NUDT5: variants seen among roughly 807,000 people sequenced by gnomAD.
The protein encoded by NUDT5 is nudix hydrolase 5, also known as ADP-sugar pyrophosphatase.
Under a neutral mutation model 34.1 loss-of-function variants are expected in NUDT5, and 21 were observed. The ratio of observed to expected loss-of-function variants is 0.62; its 90% confidence interval spans 0.44 to 0.89. The LOEUF (loss-of-function observed/expected upper bound fraction) is 0.89. Among genes scored for constraint, NUDT5 ranks in the 40% least tolerant of loss-of-function variants. The pLI is 0.00. For synonymous variants in NUDT5, 85 were observed against 97.6 expected (o/e 0.87, Z 0.76); for missense variants, 249 against 274.8 (o/e 0.91, Z 0.66).
At chr10:12,184,810 C>CA in intron 3 of NUDT5, 79 bp downstream of exon 3, 2 of 828,820 alleles carry the variant, frequency 2.4e-6, no homozygotes, top group Non-Finnish European at 3.9e-6. Context: ...AAGAAAACAT[C>CA]AAAGTTTATG....
intron 3 of NUDT5, 116 bp downstream of exon 3, chr10:12,184,773 A>C: frequency 1.4e-6 from 1 of 697,662 alleles, no homozygotes. Context: ...CAGCTAAATC[A>C]GATTATTTAA....
chr10:12,170,240 A>G lies in NUDT5; in HGVS notation c.550+477T>C. The stretch of plus-strand genomic sequence containing the variant: ...GGCCACACAGCTGGTTTGGTTTATT[A>G]TGTGAAAAGCATATCACACGGAGTA... On this transcript the variant is annotated intron_variant, in intron 9 of 9. Transcript: ENST00000491614. This position sits in a 1 kb window ranked among gnomAD's most constrained non-coding sequence, Gnocchi z 4.9. 1 of 1,569,924 alleles carries G rather than the reference A, an allele frequency of 6.4e-7. No individual in the cohort carries two copies. The highest frequency in any genetic ancestry group is 8.8e-7 in the Non-Finnish European group (1 of 1,141,372).
chr10:12,174,998 G>A (rs897093188), intron 5 of NUDT5, among the ~76,000 whole-genome samples: 2 of 152,118 alleles, frequency 1.3e-5, no homozygotes, highest in South Asian at 2.1e-4. Flanking sequence ...GAGCAGCAAC[G>A]CAGACTCTTT....
Position 12,169,936 on chromosome 10 carries a change from C to A in NUDT5, c.550+781G>T, listed in dbSNP as rs956737401. On this transcript the variant is annotated intron_variant, in intron 9 of 9. Coordinates refer to ENST00000491614, the MANE Select transcript of NUDT5 (RefSeq NM_014142.4). This position sits in a 1 kb window ranked among gnomAD's most constrained non-coding sequence, Gnocchi z 4.8. The stretch of plus-strand genomic sequence containing the variant: ...TATCAATTACCTAAAACACTTATAC[C>A]CAATAAAATATTCCCATGATGACAA... 10 of 569,792 alleles carry A rather than the reference C, an allele frequency of 1.8e-5. No homozygotes were observed. In the Admixed American group the frequency reaches 3.2e-4, roughly 18 times the overall value. 35.3% of individuals were successfully genotyped at this position (569,792 alleles called of 1,614,324 possible). A position where few individuals can be genotyped will look rare whatever the true frequency, so the allele number is the denominator to read the frequency against.
rs148543180 is a variant in NUDT5, at chr10:12,181,876, C to T, written c.132-2744G>A. 1.8e-4 allele frequency among the ~76,000 whole-genome samples: 28 copies of T among 152,130 alleles called. No individual in the cohort carries two copies. Among genetic ancestry groups the T allele is most frequent in the Middle Eastern group, 3.4e-3 (1 of 294 alleles). On this transcript the variant is annotated intron_variant, in intron 3 of 9. Coordinates refer to ENST00000491614, the MANE Select transcript of NUDT5 (RefSeq NM_014142.4). This position sits in a 1 kb window ranked among gnomAD's most constrained non-coding sequence, Gnocchi z 5.0. ...GGATATGGCCGGATGCGGTGGCTCA[C>T]GACTGTAGTCCTAGCACTTTGGGAG... is the stretch of plus-strand genomic sequence containing the variant.
chr10:12,173,772 G>A lies in NUDT5; in HGVS notation c.331C>T (p.Arg111Trp), dbSNP rs1294173842. The A allele has an allele frequency of 4.3e-6, 7 of 1,613,848 alleles. No individual in the cohort carries two copies. Among genetic ancestry groups the A allele is most frequent in the East Asian group, 2.2e-5 (1 of 44,892 alleles). The change falls in exon 6 of 10, where the codon CGG becomes TGG. Residue 111 changes from arginine to tryptophan, a missense_variant. Physicochemically the swap from Arg to Trp is moderately radical, Grantham distance 101. Coordinates refer to ENST00000491614, the MANE Select transcript of NUDT5 (RefSeq NM_014142.4). This position sits in a 1 kb window ranked among gnomAD's most constrained non-coding sequence, Gnocchi z 4.7. Reference sequence around the variant, plus strand: ...TAGCCAGTTTCTTCTTCAAGCTCCCGGAGAGCAGCTGCTTCTGGGGTTTCA... The same window carrying A: ...TAGCCAGTTTCTTCTTCAAGCTCCCAGAGAGCAGCTGCTTCTGGGGTTTCA... ...DGETPEAAAL[R>W]ELEEETGYKG...
intron 3 of NUDT5, among the ~76,000 whole-genome samples, chr10:12,180,741 C>T (rs1396991142): frequency 2.6e-5 from 4 of 152,180 alleles, no homozygotes; most frequent in Non-Finnish European, 5.9e-5. Context: ...GAGGCTCTTC[C>T]CTCCTTTGTA....
chr10:12,190,115 T>A (rs1011795710), intron 1 of NUDT5, among the ~76,000 whole-genome samples: 5 of 152,180 alleles, frequency 3.3e-5, no homozygotes, highest in Admixed American at 6.5e-5. Flanking sequence ...GGTCTCGATC[T>A]CCTGACCTCG....
intron 3 of NUDT5, among the ~76,000 whole-genome samples, chr10:12,179,646 T>C (rs1335307063): frequency 1.4e-5 from 1 of 70,354 alleles, no homozygotes. Context: ...AATGGAAGAA[T>C]TATTAAATGT....
At position 12,165,643 on chromosome 10, in the gene NUDT5, T is replaced by C. The variant is rs1416590355; in HGVS notation, c.*2059A>G. ...TCTCCATTTGAAAGAGCATAGATCT[T>C]GGTAAATCATTTTGAAAACTATGTG... On this transcript the variant is annotated 3_prime_UTR_variant, in exon 10 of 10. Coordinates refer to ENST00000491614, the MANE Select transcript of NUDT5 (RefSeq NM_014142.4). The C allele has an allele frequency of 6.6e-6, 1 of 152,462 alleles. No homozygotes were observed. Among genetic ancestry groups the C allele is most frequent in the East Asian group, 1.9e-4 (1 of 5,188 alleles). 9.4% of individuals were successfully genotyped at this position (152,462 alleles called of 1,614,324 possible). A position where few individuals can be genotyped will look rare whatever the true frequency, so the allele number is the denominator to read the frequency against.
chr10:12,187,134 G>A lies in NUDT5; in HGVS notation c.-41-802C>T, dbSNP rs543665069. 6.6e-6 allele frequency among the ~76,000 whole-genome samples: 1 copy of A among 152,274 alleles called. No individual in the cohort carries two copies. Among genetic ancestry groups the A allele is most frequent in the South Asian group, 2.1e-4 (1 of 4,818 alleles). ...TGTAGCCTCTACCTCCCAAGCTCACGTGCTCCTCGCATCTCAGCCTCCTGA... is the reference window on the plus strand; with the variant it reads ...TGTAGCCTCTACCTCCCAAGCTCACATGCTCCTCGCATCTCAGCCTCCTGA... On this transcript the variant is annotated intron_variant, in intron 1 of 9. Transcript: ENST00000491614. The surrounding 1 kb of genome is among the most constrained non-coding windows in gnomAD (Gnocchi z 5.4).
At chr10:12,186,357 G>T in intron 1 of NUDT5, 25 bp from the exon 2 acceptor site, 1 of 1,221,588 alleles carries the variant, frequency 8.2e-7, no homozygotes, top group South Asian at 1.2e-5. Flanking sequence ...GATTTGTTCA[G>T]GCTAAAATTA....
chr10:12,184,244 G>A (rs772741408), intron 3 of NUDT5, among the ~76,000 whole-genome samples: 11 of 151,970 alleles, frequency 7.2e-5, no homozygotes, highest in Non-Finnish European at 1.3e-4. Flanking sequence ...ATGGGGTTTC[G>A]CCATGTTGCC....
At chr10:12,183,566 AT>A (rs1315423086) in intron 3 of NUDT5, among the ~76,000 whole-genome samples, 1 of 152,186 alleles carries the variant, frequency 6.6e-6, no homozygotes, top group Non-Finnish European at 1.5e-5. Flanking sequence ...ATACTGATGA[AT>A]TTTTATCACG....
chr10:12,186,249 G>A lies in NUDT5; in HGVS notation c.43C>T (p.Gln15Ter). The part of the protein sequence containing the change: ...EPTESSQNGK[Q>*]YIISEELISE... The stretch of plus-strand genomic sequence containing the variant: ...TATACCTCCTCTGAAATGATATACT[G>A]TTTGCCATTCTGAGAAGATTCCGTT... The change falls in exon 2 of 10, where the codon CAG becomes TAG. Residue 15 changes from glutamine (Q) to a stop codon, truncating the protein, a stop_gained. Coordinates refer to ENST00000491614, the MANE Select transcript of NUDT5 (RefSeq NM_014142.4). LOFTEE classifies it high-confidence loss of function. 1 of 1,613,608 alleles carries A rather than the reference G, an allele frequency of 6.2e-7. No individual in the cohort carries two copies. Among genetic ancestry groups the A allele is most frequent in the East Asian group, 2.2e-5 (1 of 44,890 alleles).
Position 12,167,412 on chromosome 10 carries a change from A to G in NUDT5, c.*290T>C, listed in dbSNP as rs1366333554. 4.0e-5 allele frequency: 13 copies of G among 321,978 alleles called. No homozygotes were observed. The Admixed American group carries it at 5.7e-4, about 14-fold the overall frequency. The allele number at this position is 321,978 out of a possible 1,614,324, so 19.9% of individuals were successfully genotyped here. The stretch of plus-strand genomic sequence containing the variant: ...CAAATACCCCTGTCTACCAGACTGG[A>G]CTAGAAAAGTAACTGAGCTGTAGTT... On this transcript the variant is annotated 3_prime_UTR_variant, in exon 10 of 10. Transcript: ENST00000491614.
chr10:12,170,493 CA>C lies in NUDT5; in HGVS notation c.550+223del. ...ATTCTGTAGGAGAAAAAGCCTCTAC[CA>C]AAAGTTTGCACTTGACCCAGAATGC... is the stretch of plus-strand genomic sequence containing the variant. On this transcript the variant is annotated intron_variant, in intron 9 of 9. Coordinates refer to ENST00000491614, the MANE Select transcript of NUDT5 (RefSeq NM_014142.4). The surrounding 1 kb of genome is among the most constrained non-coding windows in gnomAD (Gnocchi z 4.9). The C allele has an allele frequency of 1.6e-6, 1 of 629,524 alleles. No individual in the cohort carries two copies. The highest frequency in any genetic ancestry group is 4.3e-4 in the Middle Eastern group (1 of 2,312). The allele number at this position is 629,524 out of a possible 1,614,324, so 39.0% of individuals were successfully genotyped here. A position where few individuals can be genotyped will look rare whatever the true frequency, so the allele number is the denominator to read the frequency against.
In NUDT5 at chr10:12,170,715, A is replaced by T. The variant is rs747294634; in HGVS notation, c.550+2T>A. On this transcript the variant is annotated splice_donor_variant, in intron 9 of 9. Coordinates refer to ENST00000491614, the MANE Select transcript of NUDT5 (RefSeq NM_014142.4). LOFTEE classifies it high-confidence loss of function. The surrounding 1 kb of genome is among the most constrained non-coding windows in gnomAD (Gnocchi z 4.9). ...CTGGGTGGCGGTCTGGAGAATGCTT[A>T]CCATCAAGTCTCTGCAGCAGGTCAT... 5.6e-6 allele frequency: 9 copies of T among 1,613,536 alleles called. No homozygotes were observed. The highest frequency in any genetic ancestry group is 7.6e-6 in the Non-Finnish European group (9 of 1,179,972).
At position 12,169,317 on chromosome 10, in the gene NUDT5, T is replaced by G; in HGVS notation, c.550+1400A>C. 5 of 1,554,360 alleles carry G rather than the reference T, an allele frequency of 3.2e-6. No homozygotes were observed. Among genetic ancestry groups the G allele is most frequent in the Non-Finnish European group, 4.4e-6 (5 of 1,147,276 alleles). On this transcript the variant is annotated intron_variant, in intron 9 of 9. Transcript: ENST00000491614. The surrounding 1 kb of genome is among the most constrained non-coding windows in gnomAD (Gnocchi z 4.8). ...GGAAGACATTTTACAAAAAGGATAC[T>G]CTTCTACTAAAAGATAACCCCGCAC...
Sources: gnomAD v4.1 joint callset for allele counts (sites outside exome capture counted in the v4.1 genomes callset) on GRCh38, gnomAD v4.1.1 for gene constraint, Gnocchi (gnomAD v3.1) non-coding constraint, MANE v1.5 for transcripts, NCBI Gene and HGNC (gene_info 2026-07-23, HGNC 2026-07-21) for gene names.